Variants in MKNK1 observed in about 807,000 individuals in gnomAD.
The protein encoded by MKNK1 is MAPK interacting serine/threonine kinase 1, also known as MAP kinase-interacting serine/threonine-protein kinase 1.
MKNK1 carries 30 observed loss-of-function variants against 49.3 expected under a neutral mutation model. That is an observed-to-expected ratio of 0.61 (90% CI 0.46 to 0.83). MKNK1 has a LOEUF of 0.83. MKNK1 is among the 40% of genes least tolerant of loss of function. The pLI is 0.00. For synonymous variants in MKNK1, 176 were observed against 201.7 expected, an observed-to-expected ratio of 0.87 and a Z score of 1.08; for missense variants, 423 against 524.7, an observed-to-expected ratio of 0.81 and a Z score of 1.89.
intron 12 of MKNK1, 39 bp from the exon 13 acceptor site, chr1:46,558,839 AC>A: frequency 1.3e-6 from 2 of 1,570,708 alleles, no homozygotes; most frequent in Non-Finnish European, 8.7e-7. Context: ...GAGGGTCAGG[AC>A]TCTAGGGTCA....
chr1:46,597,300 CAAA>C (rs11312871), intron 1 of MKNK1, among the ~76,000 whole-genome samples: 23 of 130,640 alleles, frequency 1.8e-4, no homozygotes, highest in Admixed American at 2.3e-4. Context: ...CGTTTTAGAG[CAAA>C]AAAAAAAAAA....
intron 2 of MKNK1, among the ~76,000 whole-genome samples, chr1:46,587,897 A>G (rs1395219316): frequency 6.6e-6 from 1 of 152,268 alleles, no homozygotes; most frequent in Non-Finnish European, 1.5e-5. Flanking sequence ...ACAGGTATGT[A>G]TGCCCATATA....
At chr1:46,595,800 G>A (rs568978455) in intron 1 of MKNK1, among the ~76,000 whole-genome samples, 209 of 152,332 alleles carry the variant, frequency 1.4e-3, no homozygotes, top group African/African-American at 4.6e-3. Context: ...TAGCCAGGCT[G>A]GAGTGCAGTG....
chr1:46,564,711 G>A (rs578130542), intron 9 of MKNK1, among the ~76,000 whole-genome samples: 1 of 152,142 alleles, frequency 6.6e-6, no homozygotes, highest in African/African-American at 2.4e-5. Flanking sequence ...CTGACCTCAG[G>A]TGATCTGCCT....
At chr1:46,585,658 G>C in intron 2 of MKNK1, 1 of 370,272 alleles carries the variant, frequency 2.7e-6, no homozygotes, top group South Asian at 2.0e-5. Context: ...AAGACAGGCA[G>C]AGCAGAGGAG....
chr1:46,583,397 G>GA (rs111325784), intron 2 of MKNK1, 68 bp from the exon 3 acceptor site: 9,214 of 1,093,872 alleles, frequency 8.4e-3, no homozygotes, highest in South Asian at 9.7e-3. Context: ...TACCCAGAAG[G>GA]AAAAAAAAAA....
In MKNK1 at chr1:46,577,345, G is replaced by A. The variant is rs142672353; in HGVS notation, c.199-691C>T. Among the ~76,000 whole-genome samples, 18 of 152,290 alleles carry A rather than the reference G, an allele frequency of 1.2e-4. 2 individuals carry two copies. In the East Asian group the frequency reaches 3.3e-3, roughly 28 times the overall value. Reference sequence around the variant, plus strand: ...AATACAAAAAAATTAGCCAGGCGTGGTAGTGGGTGCTTGTAATCCCAGCTA... The same window carrying A: ...AATACAAAAAAATTAGCCAGGCGTGATAGTGGGTGCTTGTAATCCCAGCTA... On this transcript the variant is annotated intron_variant, in intron 4 of 12. Transcript: ENST00000371945.
chr1:46,601,774 CACTT>C (rs1204268551), intron 1 of MKNK1, among the ~76,000 whole-genome samples: 1 of 152,178 alleles, frequency 6.6e-6, no homozygotes, highest in African/African-American at 2.4e-5. Context: ...GTCACTGACT[CACTT>C]AACCACAAAC....
intron 9 of MKNK1, chr1:46,563,516 A>T (rs535167793): frequency 6.6e-6 from 1 of 152,352 alleles, no homozygotes; most frequent in African/African-American, 2.4e-5. Flanking sequence ...TTTCAGGCTC[A>T]CCAAGAAACA....
intron 1 of MKNK1, among the ~76,000 whole-genome samples, chr1:46,595,692 G>A (rs956896589): frequency 1.3e-5 from 2 of 152,094 alleles, no homozygotes; most frequent in African/African-American, 4.8e-5. Flanking sequence ...TGTTTCCAGG[G>A]CCTAAGGAAA....
At chr1:46,564,740 G>A (rs1190751285) in intron 9 of MKNK1, among the ~76,000 whole-genome samples, 1 of 152,024 alleles carries the variant, frequency 6.6e-6, no homozygotes, top group Non-Finnish European at 1.5e-5. Flanking sequence ...CTCCTAAAGT[G>A]CTAGGATTAC....
At chr1:46,580,325 C>A (rs938558993) in intron 4 of MKNK1, 9 of 563,268 alleles carry the variant, frequency 1.6e-5, no homozygotes, top group Non-Finnish European at 2.9e-5. Flanking sequence ...TAGTATTATA[C>A]CCATTTTACA....
At chr1:46,565,898 T>TCTCCCCTTCCTTCCTCC in intron 8 of MKNK1, among the ~76,000 whole-genome samples, 1 of 152,192 alleles carries the variant, frequency 6.6e-6, no homozygotes, top group Non-Finnish European at 1.5e-5. Context: ...TCGACTTCTT[T>TCTCCCCTTCCTTCCTCC]CTCCCCTTCC....
rs150668073 is a variant in MKNK1 at position 46,598,251 on chromosome 1, G to A, written c.-170-3971C>T. Among the ~76,000 whole-genome samples the A allele has an allele frequency of 2.0e-5, 3 of 152,294 alleles. No individual in the cohort carries two copies. In the East Asian group the frequency reaches 5.8e-4, roughly 29 times the overall value. ...AGGAGTCTTGCTTGGCACTCTTGTTGAAGGCTGTGAAAAAAGTAATATATG... is the reference window on the plus strand; with the variant it reads ...AGGAGTCTTGCTTGGCACTCTTGTTAAAGGCTGTGAAAAAAGTAATATATG... On this transcript the variant is annotated intron_variant, in intron 1 of 12. Coordinates refer to ENST00000371945, the MANE Select transcript of MKNK1 (RefSeq NM_001135553.4).
At chr1:46,569,416 A>G (rs1254824189) in intron 7 of MKNK1, 1 of 152,282 alleles carries the variant, frequency 6.6e-6, no homozygotes, top group African/African-American at 2.4e-5. Flanking sequence ...TTGGTGGAGG[A>G]CACAGAAACC....
intron 1 of MKNK1, among the ~76,000 whole-genome samples, chr1:46,601,945 C>G (rs1007882487): frequency 2.6e-5 from 4 of 152,086 alleles, no homozygotes; most frequent in Admixed American, 6.6e-5. Flanking sequence ...GCCTTTGCTA[C>G]AGAAGATGGA....
chr1:46,580,963 T>C (rs1671643196), intron 3 of MKNK1, among the ~76,000 whole-genome samples: 1 of 152,202 alleles, frequency 6.6e-6, no homozygotes, highest in Admixed American at 6.5e-5. Context: ...GGCTTACACC[T>C]GTAATCCTAG....
intron 8 of MKNK1, among the ~76,000 whole-genome samples, chr1:46,566,191 ACTTT>A (rs879276929): frequency 6.6e-6 from 1 of 152,158 alleles, no homozygotes; most frequent in Admixed American, 6.5e-5. Flanking sequence ...ATTAATTAAG[ACTTT>A]CTGTCTTTAT....
At chr1:46,597,552 T>A (rs1377352888) in intron 1 of MKNK1, among the ~76,000 whole-genome samples, 2 of 152,196 alleles carry the variant, frequency 1.3e-5, no homozygotes, top group African/African-American at 4.8e-5. Context: ...CAACCCTCTA[T>A]GGGAGTCTTA....
Sources: allele counts gnomAD v4.1 joint callset (sites outside exome capture counted in the v4.1 genomes callset), GRCh38; gene constraint gnomAD v4.1.1; transcripts MANE v1.5; gene names NCBI Gene and HGNC (gene_info 2026-07-23, HGNC 2026-07-21).